Variants in MACF1 observed in about 807,000 individuals in gnomAD.
MACF1 encodes microtubule-actin cross-linking factor 1.
A neutral mutation model predicts 854.8 loss-of-function variants in MACF1; 193 were observed. That is an observed-to-expected ratio of 0.23 (90% confidence interval 0.20 to 0.25). The LOEUF (loss-of-function observed/expected upper bound fraction) is 0.25. Ranked by LOEUF, MACF1 falls within the 10% of genes least tolerant of loss-of-function variation. The probability of loss-of-function intolerance (pLI) is 1.00; values close to 1 mark genes in which losing one functional copy is unlikely to be tolerated. For missense variants in MACF1, 7,722 were observed against 8,929.1 expected (o/e 0.86, Z 5.45); for synonymous variants, 3,185 against 3,226.7 (o/e 0.99, Z 0.44).
At position 39,283,580 on chromosome 1, in the gene MACF1, G is replaced by GC; in HGVS notation, c.915+65_915+66insC. On this transcript the variant is annotated intron_variant, in intron 9 of 100. Coordinates refer to ENST00000564288, the MANE Select transcript of MACF1 (RefSeq NM_001394062.1). This position sits in a 1 kb window ranked among gnomAD's most constrained non-coding sequence, Gnocchi z 4.5. ...TCATTTGGGTGAAATGCATTGGTTAGACACTTTCTTAAGCACTTATGGTAT... is the reference window on the plus strand; with the variant it reads ...TCATTTGGGTGAAATGCATTGGTTAGCACACTTTCTTAAGCACTTATGGTAT... 1 of 1,167,224 alleles carries GC rather than the reference G, an allele frequency of 8.6e-7. No homozygotes were observed. Among genetic ancestry groups the GC allele is most frequent in the Non-Finnish European group, 1.3e-6 (1 of 777,908 alleles). 72.3% of individuals were successfully genotyped at this position (1,167,224 alleles called of 1,614,324 possible). A position where few individuals can be genotyped will look rare whatever the true frequency, so the allele number is the denominator to read the frequency against.
intron 97 of MACF1, among the ~76,000 whole-genome samples, chr1:39,477,859 G>A (rs532160287): frequency 4.6e-5 from 7 of 152,108 alleles, no homozygotes; most frequent in Middle Eastern, 3.4e-3. Flanking sequence ...AGTGCATAGG[G>A]AACATATCAC....
chr1:39,261,853 T>C (rs1645167091), intron 6 of MACF1, among the ~76,000 whole-genome samples: 1 of 152,224 alleles, frequency 6.6e-6, no homozygotes, highest in African/African-American at 2.4e-5. Flanking sequence ...ACAGTAAGCA[T>C]GTTTAGCTTT....
chr1:39,192,116 A>C (rs949206202), intron 2 of MACF1, among the ~76,000 whole-genome samples: 1 of 151,968 alleles, frequency 6.6e-6, no homozygotes. Context: ...TCACCACTGC[A>C]CTCCAGCCTG....
intron 2 of MACF1, among the ~76,000 whole-genome samples, chr1:39,127,881 A>G (rs1366512249): frequency 1.3e-5 from 2 of 152,258 alleles, no homozygotes; most frequent in African/African-American, 2.4e-5. Flanking sequence ...GATTAAGAGG[A>G]AAAAACATAG....
intron 2 of MACF1, among the ~76,000 whole-genome samples, chr1:39,249,435 A>G (rs1645016055): frequency 6.6e-6 from 1 of 152,342 alleles, no homozygotes; most frequent in South Asian, 2.1e-4. Context: ...ACCATGTTTG[A>G]TATTAACCAC....
intron 2 of MACF1, among the ~76,000 whole-genome samples, chr1:39,248,083 C>T (rs1645002071): frequency 2.0e-5 from 3 of 152,128 alleles, no homozygotes; most frequent in Non-Finnish European, 4.4e-5. Context: ...AACCATCTTC[C>T]CCAGTTGTAT....
intron 61 of MACF1, among the ~76,000 whole-genome samples, chr1:39,425,992 C>A (rs927119552): frequency 7.2e-5 from 11 of 152,116 alleles, no homozygotes; most frequent in African/African-American, 2.7e-4. Flanking sequence ...TTTGATGCTT[C>A]TAAATTATTT....
chr1:39,409,216 G>GGCGGGGCC lies in MACF1; in HGVS notation c.15817-13149_15817-13142dup, dbSNP rs1261832871. Among the ~76,000 whole-genome samples, 6 of 152,094 alleles carry GGCGGGGCC rather than the reference G, an allele frequency of 3.9e-5. No individual in the cohort carries two copies. Among genetic ancestry groups the GGCGGGGCC allele is most frequent in the Non-Finnish European group, 8.8e-5 (6 of 67,992 alleles). On this transcript the variant is annotated intron_variant, in intron 58 of 100. Transcript: ENST00000564288. The surrounding 1 kb of genome is among the most constrained non-coding windows in gnomAD (Gnocchi z 4.2). ...CGTGACAGCTGCGGGCGGGGAGGACGGCGGGGCCGCGGGGCCAGCGGCGTG... is the reference window on the plus strand; with the variant it reads ...CGTGACAGCTGCGGGCGGGGAGGACGGCGGGGCCGCGGGGCCGCGGGGCCAGCGGCGTG...
intron 23 of MACF1, among the ~76,000 whole-genome samples, chr1:39,307,772 C>T (rs567902385): frequency 1.3e-5 from 2 of 151,344 alleles, no homozygotes; most frequent in Admixed American, 6.6e-5. Context: ...CGGGGTTTCG[C>T]CATGTTGGCC....
chr1:39,151,653 A>G (rs1228319933), intron 2 of MACF1, among the ~76,000 whole-genome samples: 1 of 152,198 alleles, frequency 6.6e-6, no homozygotes, highest in East Asian at 1.9e-4. Flanking sequence ...CTGAGGTCCC[A>G]GTTCAAGCAT....
chr1:39,388,719 A>G, intron 58 of MACF1, 61 bp downstream of exon 58: 1 of 1,454,340 alleles, frequency 6.9e-7, no homozygotes, highest in Non-Finnish European at 9.2e-7. Context: ...GTAACTTGGA[A>G]ACCAGTCAAG....
chr1:39,357,825 G>A lies in MACF1; in HGVS notation c.11875G>A (p.Glu3959Lys). The A allele has an allele frequency of 1.2e-6, 2 of 1,614,082 alleles. No individual in the cohort carries two copies. The highest frequency in any genetic ancestry group is 2.2e-5 in the South Asian group (2 of 91,076). Residue 3959 changes from glutamate to lysine, a missense_variant, in exon 45 of 101, where the codon GAA becomes AAA. This residue lies in a region of MACF1 where 2,807 missense variants were observed against 3,235.8 expected (regional missense o/e 0.87). Transcript: ENST00000564288. ...TTTTAAGGAAGGCAAAGAACCATCA[G>A]AAATTGGAAACTTAGTAAAGGACAA... ...NSFKEGKEPS[E>K]IGNLVKDKLK...
At chr1:39,442,652 C>T (rs1239259371) in intron 77 of MACF1, 62 bp from the exon 78 acceptor site, 3 of 1,609,028 alleles carry the variant, frequency 1.9e-6, no homozygotes, top group Non-Finnish European at 2.6e-6. Context: ...TTGTGTATAT[C>T]TTAAGAGAAC....
chr1:39,427,683 C>T (rs527500567), intron 62 of MACF1, 69 bp downstream of exon 62: 1 of 1,464,618 alleles, frequency 6.8e-7, no homozygotes, highest in East Asian at 2.3e-5. Context: ...AGTAAACTGC[C>T]TGCAGCATTC....
chr1:39,207,885 G>GA (rs1357362926), intron 1 of MACF1, among the ~76,000 whole-genome samples: 8 of 151,980 alleles, frequency 5.3e-5, no homozygotes, highest in African/African-American at 1.4e-4. Flanking sequence ...TGTAATTCCA[G>GA]CACTTTGGGA....
At chr1:39,404,449 T>C (rs1642612794) in intron 58 of MACF1, among the ~76,000 whole-genome samples, 1 of 151,166 alleles carries the variant, frequency 6.6e-6, no homozygotes, top group Non-Finnish European at 1.5e-5. Flanking sequence ...CCAGCCTGGG[T>C]GACAATGTGA....
chr1:39,209,070 G>A (rs911672675), intron 1 of MACF1, among the ~76,000 whole-genome samples: 2 of 151,850 alleles, frequency 1.3e-5, no homozygotes, highest in Admixed American at 1.3e-4. Context: ...TGACCAACAT[G>A]GAGAAACCCT....
At chr1:39,217,621 A>G (rs1353917720) in intron 1 of MACF1, among the ~76,000 whole-genome samples, 1 of 152,212 alleles carries the variant, frequency 6.6e-6, no homozygotes, top group Admixed American at 6.5e-5. Context: ...GCTCATGCCT[A>G]TAATCGCAGC....
At position 39,486,945 on chromosome 1, in the gene MACF1, AC is replaced by A. The variant is rs1276240301; in HGVS notation, c.*1152del. 2 of 152,644 alleles carry A rather than the reference AC, an allele frequency of 1.3e-5. No homozygotes were observed. The highest frequency in any genetic ancestry group is 2.9e-5 in the Non-Finnish European group (2 of 68,052). The allele number at this position is 152,644 out of a possible 1,614,324, so 9.5% of individuals were successfully genotyped here. On this transcript the variant is annotated 3_prime_UTR_variant, in exon 101 of 101. Transcript: ENST00000564288. Reference sequence around the variant, plus strand: ...AGCTCTACCAATGAACTGTTTAGAAACAAGACACACTTTTGTATTAAAATTG... The same window carrying A: ...AGCTCTACCAATGAACTGTTTAGAAAAAGACACACTTTTGTATTAAAATTG...
Sources: gnomAD v4.1 joint callset for allele counts (sites outside exome capture counted in the v4.1 genomes callset) on GRCh38, gnomAD v4.1.1 for gene constraint, gnomAD v4.1.1 regional missense constraint, Gnocchi (gnomAD v3.1) non-coding constraint, MANE v1.5 for transcripts, NCBI Gene and HGNC (gene_info 2026-07-23, HGNC 2026-07-21) for gene names.